Variants in VWA8 observed in about 807,000 individuals in gnomAD.
VWA8 encodes the protein von Willebrand factor A domain-containing protein 8.
A neutral mutation model predicts 241.5 loss-of-function variants in VWA8; 221 were observed. The observed-to-expected ratio is 0.91, with a 90% CI of 0.82 to 1.02. The LOEUF is 1.02. Ranked by LOEUF, VWA8 falls within the 50% of genes least tolerant of loss-of-function variation. The probability of loss-of-function intolerance (pLI) is 0.00; values close to 1 mark genes in which losing one functional copy is unlikely to be tolerated. For missense variants in VWA8, 2,322 were observed against 2,328.7 expected (o/e 1.00, Z 0.06); for synonymous variants, 852 against 827.1 (o/e 1.03, Z -0.52).
chr13:41,570,135 T>G (rs1316718185), intron 44 of VWA8, among the ~76,000 whole-genome samples: 1 of 152,216 alleles, frequency 6.6e-6, no homozygotes, highest in African/African-American at 2.4e-5. Context: ...GAACACAAAA[T>G]GATTAGCCTG....
intron 37 of VWA8, among the ~76,000 whole-genome samples, chr13:41,651,162 C>T (rs1168943424): frequency 1.3e-5 from 2 of 149,616 alleles, no homozygotes; most frequent in African/African-American, 2.5e-5. Flanking sequence ...TTGACAAAGC[C>T]AACAAAAAAA....
At chr13:41,880,462 A>T (rs1368635658) in intron 9 of VWA8, among the ~76,000 whole-genome samples, 1 of 152,162 alleles carries the variant, frequency 6.6e-6, no homozygotes, top group African/African-American at 2.4e-5. Context: ...ACTTAATATA[A>T]CACTATTATC....
At position 41,947,955 on chromosome 13, in the gene VWA8, AAAAC is replaced by A. The variant is rs1311710022; in HGVS notation, c.241+1977_241+1980del. ...TCAAAAAAAAAAAAAAAAAAAAAAC[AAAAC>A]AAAACATTTTGGTAATTCCTTGAAA... On this transcript the variant is annotated intron_variant, in intron 2 of 44. Transcript: ENST00000379310. 6.3e-3 allele frequency among the ~76,000 whole-genome samples: 357 copies of A among 56,424 alleles called. 13 individuals are homozygous for A. Among genetic ancestry groups the A allele is most frequent in the Non-Finnish European group, 9.0e-3 (195 of 21,676 alleles). 37.0% of individuals were successfully genotyped at this position (56,424 alleles called of 152,430 possible). A position where few individuals can be genotyped will look rare whatever the true frequency, so the allele number is the denominator to read the frequency against.
intron 6 of VWA8, 96 bp downstream of exon 6, chr13:41,887,101 G>A: frequency 7.3e-7 from 1 of 1,375,202 alleles, no homozygotes; most frequent in South Asian, 1.4e-5. Flanking sequence ...TACTCAGGAA[G>A]ACATTCAAAA....
chr13:41,603,945 T>C (rs1476493811), intron 40 of VWA8, among the ~76,000 whole-genome samples: 1 of 152,176 alleles, frequency 6.6e-6, no homozygotes, highest in African/African-American at 2.4e-5. Context: ...GGAAATTTAG[T>C]TGACTTTGAG....
chr13:41,837,588 T>C (rs907754207), intron 12 of VWA8, among the ~76,000 whole-genome samples: 1 of 152,226 alleles, frequency 6.6e-6, no homozygotes, highest in African/African-American at 2.4e-5. Context: ...CTATAGAATA[T>C]TTGGTTTGTA....
At chr13:41,623,220 T>C (rs922980340) in intron 37 of VWA8, among the ~76,000 whole-genome samples, 2 of 152,178 alleles carry the variant, frequency 1.3e-5, no homozygotes, top group Non-Finnish European at 2.9e-5. Context: ...TGGGACACAG[T>C]TGAGTGAGAA....
chr13:41,586,140 T>C (rs1020846367), intron 42 of VWA8, among the ~76,000 whole-genome samples: 1 of 151,130 alleles, frequency 6.6e-6, no homozygotes, highest in African/African-American at 2.5e-5. Flanking sequence ...AAAATAAACA[T>C]TTTCTATAAA....
intron 37 of VWA8, among the ~76,000 whole-genome samples, chr13:41,656,392 C>T (rs2044905658): frequency 6.6e-6 from 1 of 152,016 alleles, no homozygotes; most frequent in African/African-American, 2.4e-5. Flanking sequence ...AACAAACATC[C>T]CGAAGAAAAA....
chr13:41,573,107 T>TC, intron 43 of VWA8, among the ~76,000 whole-genome samples: 2 of 67,766 alleles, frequency 3.0e-5, no homozygotes, highest in South Asian at 1.0e-3. Flanking sequence ...AGACACCGTT[T>TC]CAAAAAAAAA....
intron 17 of VWA8, among the ~76,000 whole-genome samples, chr13:41,803,450 T>A (rs1196260208): frequency 6.6e-6 from 1 of 152,176 alleles, no homozygotes; most frequent in Admixed American, 6.5e-5. Flanking sequence ...TTTAATGGAC[T>A]CACAGTTCCA....
At chr13:41,685,019 A>C (rs747705444) in intron 35 of VWA8, 28 bp downstream of exon 35, 16 of 1,592,876 alleles carry the variant, frequency 1.0e-5, no homozygotes, top group Non-Finnish European at 1.3e-5. Context: ...CACCTTTGTA[A>C]ATTAGGAATT....
chr13:41,697,401 T>C (rs2045222128), intron 29 of VWA8, among the ~76,000 whole-genome samples: 1 of 152,140 alleles, frequency 6.6e-6, no homozygotes, highest in South Asian at 2.1e-4. Context: ...CTTTTACTCA[T>C]AGTCAGGACC....
At chr13:41,904,082 T>C (rs1347642670) in intron 4 of VWA8, among the ~76,000 whole-genome samples, 1 of 152,138 alleles carries the variant, frequency 6.6e-6, no homozygotes, top group African/African-American at 2.4e-5. Flanking sequence ...TTATAAACTT[T>C]ATAAACTAAA....
At chr13:41,771,207 C>T (rs2045820672) in intron 20 of VWA8, among the ~76,000 whole-genome samples, 1 of 152,152 alleles carries the variant, frequency 6.6e-6, no homozygotes, top group African/African-American at 2.4e-5. Flanking sequence ...ACTGCAACCT[C>T]CCCCTCCCAG....
intron 14 of VWA8, among the ~76,000 whole-genome samples, chr13:41,826,363 C>A (rs1490470879): frequency 2.0e-5 from 3 of 152,124 alleles, no homozygotes; most frequent in Non-Finnish European, 2.9e-5. Context: ...AGACCAAGAT[C>A]CTGACAGAAC....
intron 4 of VWA8, among the ~76,000 whole-genome samples, chr13:41,895,936 GT>G (rs997179480): frequency 6.8e-6 from 1 of 147,612 alleles, no homozygotes; most frequent in Admixed American, 6.9e-5. Context: ...CAAAGATCCA[GT>G]TTCTGACAGT....
chr13:41,764,697 G>A (rs1320326185), intron 20 of VWA8, among the ~76,000 whole-genome samples: 4 of 152,040 alleles, frequency 2.6e-5, no homozygotes, highest in African/African-American at 4.8e-5. Flanking sequence ...TTGGAGAGCT[G>A]GACAGGTATG....
intron 12 of VWA8, among the ~76,000 whole-genome samples, chr13:41,849,789 A>G (rs1872450367): frequency 6.6e-6 from 1 of 152,102 alleles, no homozygotes; most frequent in Non-Finnish European, 1.5e-5. Context: ...TGGGAGGCTG[A>G]GGCAGGAGAA....
Sources: allele counts gnomAD v4.1 joint callset (sites outside exome capture counted in the v4.1 genomes callset), GRCh38; gene constraint gnomAD v4.1.1; transcripts MANE v1.5; gene names NCBI Gene and HGNC (gene_info 2026-07-23, HGNC 2026-07-21).